The following TEX9 variants were observed in gnomAD, a reference collection of about 807,000 sequenced individuals.
TEX9 encodes testis expressed 9.
TEX9 carries 74 observed loss-of-function variants against 59.6 expected under a neutral mutation model. That is an observed-to-expected ratio of 1.24 (90% confidence interval 1.03 to 1.51). TEX9 has a LOEUF of 1.51. TEX9 is among the 40% of genes most tolerant of loss of function. The pLI, the probability that TEX9 is intolerant of heterozygous loss-of-function variation, is 0.00. For missense variants in TEX9, 522 were observed against 447.8 expected, an observed-to-expected ratio of 1.17 and a Z score of -1.49; for synonymous variants, 186 against 152.2, an observed-to-expected ratio of 1.22 and a Z score of -1.64.
chr15:56,399,233 G>T (rs2048645198), intron 9 of TEX9, among the ~76,000 whole-genome samples: 2 of 152,144 alleles, frequency 1.3e-5, no homozygotes, highest in Non-Finnish European at 2.9e-5. Context: ...GACTGTACCT[G>T]GAAAAATGGG....
chr15:56,324,924 C>T (rs1316780233), intron 1 of TEX9, among the ~76,000 whole-genome samples: 2 of 152,130 alleles, frequency 1.3e-5, no homozygotes, highest in Non-Finnish European at 2.9e-5. Flanking sequence ...TGGTCTATAA[C>T]TTGATTTCAT....
intron 4 of TEX9, among the ~76,000 whole-genome samples, chr15:56,384,753 A>G (rs1403750427): frequency 6.6e-6 from 1 of 152,208 alleles, no homozygotes; most frequent in Admixed American, 6.5e-5. Context: ...AGTGGCAATG[A>G]ATTTAGTAAA....
In TEX9 at chr15:56,246,088, A is replaced by G. The variant is rs538235623; in HGVS notation, c.-107+1810A>G. Among the ~76,000 whole-genome samples the G allele has an allele frequency of 6.6e-5, 10 of 152,310 alleles. No individual in the cohort carries two copies. The South Asian group carries it at 1.5e-3, about 22-fold the overall frequency. ...GAAGCCGAGAACCAAGACGTTTTAT[A>G]AAAAGTTCGCTACCGGGTGTCACAC... On this transcript the variant is annotated intron_variant, in intron 1 of 5. Coordinates refer to the TEX9 transcript ENST00000560827.
At chr15:56,344,081 G>A (rs2263567) in intron 1 of TEX9, among the ~76,000 whole-genome samples, 136,207 of 152,174 alleles carry the variant, frequency 0.9, 61,823 homozygotes, top group Non-Finnish European at 0.98. Flanking sequence ...ATGTAAAATG[G>A]TGCAATCACT....
chr15:56,326,962 C>T (rs1232140314), intron 1 of TEX9, among the ~76,000 whole-genome samples: 2 of 152,080 alleles, frequency 1.3e-5, no homozygotes, highest in Non-Finnish European at 2.9e-5. Context: ...GTAATGGGTG[C>T]ACTAAAATCT....
At chr15:56,376,308 T>C (rs2047449668) in intron 3 of TEX9, among the ~76,000 whole-genome samples, 1 of 152,154 alleles carries the variant, frequency 6.6e-6, no homozygotes, top group South Asian at 2.1e-4. Flanking sequence ...ATGATAACTT[T>C]AGTTTTTTGA....
At chr15:56,372,055 T>C (rs2047214307) in intron 2 of TEX9, among the ~76,000 whole-genome samples, 1 of 152,230 alleles carries the variant, frequency 6.6e-6, no homozygotes, top group Non-Finnish European at 1.5e-5. Flanking sequence ...AGCTTAGCAA[T>C]ATTTCCTCCA....
At chr15:56,316,907 G>A (rs1400378275) in intron 1 of TEX9, among the ~76,000 whole-genome samples, 3 of 152,292 alleles carry the variant, frequency 2.0e-5, no homozygotes, top group African/African-American at 4.8e-5. Context: ...GGAGTGACCC[G>A]ATTTTCCAGG....
At chr15:56,252,928 C>T (rs1448106445) in intron 1 of TEX9, among the ~76,000 whole-genome samples, 2 of 152,128 alleles carry the variant, frequency 1.3e-5, no homozygotes, top group Non-Finnish European at 2.9e-5. Flanking sequence ...ATACTCCACA[C>T]AATGCTTTAC....
chr15:56,253,552 A>C (rs1161934797), intron 1 of TEX9, among the ~76,000 whole-genome samples: 10 of 152,092 alleles, frequency 6.6e-5, no homozygotes, highest in African/African-American at 2.4e-4. Context: ...ACCCCAAATA[A>C]TATTAGAGAT....
chr15:56,302,367 A>G (rs1348832177), intron 1 of TEX9, among the ~76,000 whole-genome samples: 2 of 150,492 alleles, frequency 1.3e-5, no homozygotes, highest in Non-Finnish European at 3.0e-5. Context: ...ACACACGAAC[A>G]TAAAATAGCT....
At chr15:56,393,923 G>T (rs376560362) in intron 7 of TEX9, 1 of 306,048 alleles carries the variant, frequency 3.3e-6, no homozygotes, top group East Asian at 8.1e-5. Flanking sequence ...ACCCTGGTGC[G>T]TGTGAATTTA....
chr15:56,298,219 A>G (rs2045262021), intron 1 of TEX9, among the ~76,000 whole-genome samples: 1 of 152,348 alleles, frequency 6.6e-6, no homozygotes. Flanking sequence ...GACCACTTCT[A>G]TCAACAAAAG....
At chr15:56,415,574 T>G (rs1244860065) in intron 10 of TEX9, among the ~76,000 whole-genome samples, 1 of 151,872 alleles carries the variant, frequency 6.6e-6, no homozygotes, top group Non-Finnish European at 1.5e-5. Flanking sequence ...TCTACTCTGT[T>G]CCATTGGTCT....
At chr15:56,376,986 C>A (rs1371929240) in intron 3 of TEX9, among the ~76,000 whole-genome samples, 2 of 152,104 alleles carry the variant, frequency 1.3e-5, no homozygotes, top group Non-Finnish European at 2.9e-5. Flanking sequence ...TTCCGTTTTC[C>A]CAGCACCATT....
At chr15:56,410,931 G>A (rs2049313763) in intron 9 of TEX9, among the ~76,000 whole-genome samples, 1 of 152,160 alleles carries the variant, frequency 6.6e-6, no homozygotes, top group Non-Finnish European at 1.5e-5. Flanking sequence ...ATAGCAGATG[G>A]TATCCATACA....
intron 1 of TEX9, among the ~76,000 whole-genome samples, chr15:56,291,502 A>G (rs997297722): frequency 1.3e-5 from 2 of 152,208 alleles, no homozygotes; most frequent in Admixed American, 6.6e-5. Context: ...TACATTATGG[A>G]ATGGTTGAAT....
intron 1 of TEX9, among the ~76,000 whole-genome samples, chr15:56,286,698 T>G (rs2044961268): frequency 6.6e-6 from 1 of 152,184 alleles, no homozygotes; most frequent in African/African-American, 2.4e-5. Flanking sequence ...GAGGTCAATT[T>G]TCCTGAGCCA....
intron 1 of TEX9, among the ~76,000 whole-genome samples, chr15:56,262,742 T>C (rs2044294858): frequency 6.6e-6 from 1 of 152,194 alleles, no homozygotes; most frequent in South Asian, 2.1e-4. Context: ...TGTTTTTCCT[T>C]TACTTCTACT....
Sources: allele counts gnomAD v4.1 joint callset (sites outside exome capture counted in the v4.1 genomes callset), GRCh38; gene constraint gnomAD v4.1.1; transcripts MANE v1.5; gene names NCBI Gene and HGNC (gene_info 2026-07-23, HGNC 2026-07-21).